The following NALCN variants were observed in gnomAD, a reference collection of about 807,000 sequenced individuals.
NALCN encodes sodium leak channel NALCN.
NALCN carries 111 observed loss-of-function variants against 225.3 expected under a neutral mutation model. The ratio of observed to expected loss-of-function variants is 0.49; its 90% CI spans 0.42 to 0.58. The LOEUF (loss-of-function observed/expected upper bound fraction) is 0.58, where lower values mean the gene tolerates loss of function less well. NALCN is among the 20% of genes least tolerant of loss of function. The pLI is 0.00. For missense variants in NALCN, 1,378 were observed against 2,202.4 expected, an observed-to-expected ratio of 0.63 and a Z score of 7.49; for synonymous variants, 764 against 769.0, an observed-to-expected ratio of 0.99 and a Z score of 0.11.
chr13:101,388,466 A>T (rs1322336192), intron 3 of NALCN, among the ~76,000 whole-genome samples: 1 of 152,200 alleles, frequency 6.6e-6, no homozygotes, highest in Admixed American at 6.5e-5. Flanking sequence ...CATCACCCAA[A>T]TGTTGATGGA....
intron 7 of NALCN, 125 bp downstream of exon 7, chr13:101,345,141 T>A: frequency 2.9e-6 from 3 of 1,021,664 alleles, no homozygotes; most frequent in Non-Finnish European, 4.1e-6. Flanking sequence ...GAATTAAAAT[T>A]TATATTTGTA....
intron 15 of NALCN, among the ~76,000 whole-genome samples, chr13:101,148,036 C>G (rs2139810750): frequency 6.6e-6 from 1 of 152,236 alleles, no homozygotes; most frequent in South Asian, 2.1e-4. Flanking sequence ...TAGGATGAAT[C>G]CTATAATATT....
At chr13:101,263,073 C>A (rs1365549475) in intron 10 of NALCN, among the ~76,000 whole-genome samples, 1 of 152,176 alleles carries the variant, frequency 6.6e-6, no homozygotes, top group Admixed American at 6.5e-5. Flanking sequence ...TCAGACTCAG[C>A]CCATAGTCTA....
At chr13:101,060,279 T>G in intron 41 of NALCN, among the ~76,000 whole-genome samples, 1 of 136,476 alleles carries the variant, frequency 7.3e-6, no homozygotes, top group South Asian at 2.6e-4. Context: ...TTTTCTGTTT[T>G]TTTTTTTTTT....
intron 30 of NALCN, among the ~76,000 whole-genome samples, chr13:101,088,890 A>C (rs1164987577): frequency 6.8e-6 from 1 of 146,274 alleles, no homozygotes; most frequent in African/African-American, 2.6e-5. Flanking sequence ...GAAATTAGAA[A>C]ATCTTTTTTT....
intron 7 of NALCN, among the ~76,000 whole-genome samples, chr13:101,295,455 A>T (rs2043710444): frequency 5.3e-5 from 8 of 152,186 alleles, no homozygotes; most frequent in Admixed American, 5.2e-4. Flanking sequence ...TTTGAGAGGA[A>T]CATTGAAAAT....
chr13:101,188,680 G>T (rs1217295121), intron 14 of NALCN, among the ~76,000 whole-genome samples: 1 of 148,424 alleles, frequency 6.7e-6, no homozygotes, highest in Non-Finnish European at 1.5e-5. Context: ...CTGTGTGTGT[G>T]TATATATATA....
chr13:101,111,248 A>C, intron 18 of NALCN, 22 bp from the exon 19 acceptor site: 2 of 1,569,928 alleles, frequency 1.3e-6, no homozygotes, highest in South Asian at 2.3e-5. Flanking sequence ...AAAGGAGCCC[A>C]AGATAAATGC....
At chr13:101,238,035 C>G in intron 11 of NALCN, 113 bp from the exon 12 acceptor site, 1 of 803,042 alleles carries the variant, frequency 1.2e-6, no homozygotes, top group Admixed American at 3.0e-5. Context: ...CACTAAGGTG[C>G]CCCATAAGGT....
In NALCN at chr13:101,113,194, T is replaced by A. The variant is rs78413291; in HGVS notation, c.2193-1968A>T. Among the ~76,000 whole-genome samples the A allele has an allele frequency of 2.7e-3, 411 of 152,328 alleles. 2 individuals are homozygous for A. The highest frequency in any genetic ancestry group is 9.3e-3 in the African/African-American group (387 of 41,578). ...AACATTCTGAAAAATCTTATTCCATTATACAAGGAGACCACTGGCCACACA... is the reference window on the plus strand; with the variant it reads ...AACATTCTGAAAAATCTTATTCCATAATACAAGGAGACCACTGGCCACACA... On this transcript the variant is annotated intron_variant, in intron 18 of 43. Coordinates refer to ENST00000251127, the MANE Select transcript of NALCN (RefSeq NM_052867.4).
At chr13:101,103,110 C>A in intron 26 of NALCN, 62 bp downstream of exon 26, 1 of 1,556,282 alleles carries the variant, frequency 6.4e-7, no homozygotes. Context: ...TCACTTTTCC[C>A]TCATTAGCTG....
At chr13:101,356,758 T>G (rs1594734473) in intron 6 of NALCN, among the ~76,000 whole-genome samples, 1 of 152,188 alleles carries the variant, frequency 6.6e-6, no homozygotes, top group Non-Finnish European at 1.5e-5. Context: ...CAGGCCAATA[T>G]CCCTGATGAA....
intron 6 of NALCN, among the ~76,000 whole-genome samples, chr13:101,346,175 A>G (rs1037765805): frequency 8.0e-5 from 12 of 150,742 alleles, no homozygotes; most frequent in African/African-American, 2.7e-4. Context: ...TAATCCATAA[A>G]TGATATTCAT....
intron 7 of NALCN, among the ~76,000 whole-genome samples, chr13:101,337,724 T>C (rs2045427663): frequency 6.6e-6 from 1 of 152,188 alleles, no homozygotes; most frequent in Admixed American, 6.5e-5. Flanking sequence ...GTTTCTTCCA[T>C]CATCATAATG....
intron 10 of NALCN, among the ~76,000 whole-genome samples, chr13:101,279,943 A>C (rs1005810703): frequency 6.6e-6 from 1 of 152,032 alleles, no homozygotes; most frequent in African/African-American, 2.4e-5. Flanking sequence ...CAAGCCAGGG[A>C]GTGGAAGACT....
chr13:101,220,754 GTA>G (rs1421058128), intron 13 of NALCN, among the ~76,000 whole-genome samples: 1 of 152,168 alleles, frequency 6.6e-6, no homozygotes, highest in African/African-American at 2.4e-5. Flanking sequence ...AATAGAGCAA[GTA>G]TAGAGGGGCT....
rs74117882 is a variant in NALCN, at chr13:101,354,644, C to T, written c.645-9224G>A. ...TCAGCCAATTAACTTTGGCAAGGAG[C>T]AATTTGCTCATCTTTCTTGTGAAGA... On this transcript the variant is annotated intron_variant, in intron 6 of 43. Transcript: ENST00000251127. Among the ~76,000 whole-genome samples, 1,023 of 152,272 alleles carry T rather than the reference C, an allele frequency of 6.7e-3. 10 individuals are homozygous for T. Among genetic ancestry groups the T allele is most frequent in the African/African-American group, 0.023 (973 of 41,558 alleles).
chr13:101,306,952 A>C (rs550662452), intron 7 of NALCN, among the ~76,000 whole-genome samples: 1 of 152,224 alleles, frequency 6.6e-6, no homozygotes, highest in South Asian at 2.1e-4. Flanking sequence ...TTTCTGAGGT[A>C]AGGGGTGGGG....
At chr13:101,065,273 C>A in intron 40 of NALCN, 131 bp downstream of exon 40, 1 of 953,166 alleles carries the variant, frequency 1.0e-6, no homozygotes, top group South Asian at 1.6e-5. Flanking sequence ...ACATGTGACC[C>A]CACTTCACGA....
Sources: allele counts gnomAD v4.1 joint callset (sites outside exome capture counted in the v4.1 genomes callset), GRCh38; gene constraint gnomAD v4.1.1; transcripts MANE v1.5; gene names NCBI Gene and HGNC (gene_info 2026-07-23, HGNC 2026-07-21).